The following CCDC7 variants were observed in gnomAD, a reference collection of about 807,000 sequenced individuals.
CCDC7 encodes the protein coiled-coil domain containing 7, also known as coiled-coil domain-containing protein 7.
Under a neutral mutation model 196.9 loss-of-function variants are expected in CCDC7, and 183 were observed. The ratio of observed to expected loss-of-function variants is 0.93; its 90% CI spans 0.82 to 1.05. The LOEUF is 1.05. Among genes scored for constraint, CCDC7 ranks in the 50% least tolerant of loss-of-function variants. CCDC7 has a pLI of 0.00. For missense variants in CCDC7, 1,540 were observed against 1,482.2 expected (o/e 1.04, Z -0.64); for synonymous variants, 525 against 484.6 (o/e 1.08, Z -1.10).
chr10:32,720,032 C>T (rs116923156), intron 25 of CCDC7, among the ~76,000 whole-genome samples: 13,405 of 151,458 alleles, frequency 0.089, 857 homozygotes, highest in East Asian at 0.33. Flanking sequence ...TATACCCAAA[C>T]GATTATAAAT....
At chr10:32,668,294 A>G (rs1044000583) in intron 21 of CCDC7, among the ~76,000 whole-genome samples, 2 of 152,172 alleles carry the variant, frequency 1.3e-5, no homozygotes, top group African/African-American at 2.4e-5. Context: ...TTTTCTAGAT[A>G]TACAATCATG....
chr10:32,824,144 A>G (rs185949587), intron 31 of CCDC7, among the ~76,000 whole-genome samples: 1 of 152,250 alleles, frequency 6.6e-6, no homozygotes, highest in Admixed American at 6.5e-5. Context: ...TATGTTCTTA[A>G]TATATACTTG....
chr10:32,779,222 A>G, intron 29 of CCDC7, 138 bp downstream of exon 30: 1 of 595,940 alleles, frequency 1.7e-6, no homozygotes, highest in South Asian at 2.7e-5. Context: ...TACTCAATCA[A>G]TCTACATGTC....
At chr10:32,450,948 G>C (rs1005476403), upstream of CCDC7, among the ~76,000 whole-genome samples, 2 of 152,012 alleles carry the variant, frequency 1.3e-5, no homozygotes, top group Non-Finnish European at 1.5e-5. Flanking sequence ...TTTTGTTCTT[G>C]TTGTTTTCTG....
chr10:32,447,297 G>A (rs1258402040), upstream of CCDC7, among the ~76,000 whole-genome samples: 2 of 152,020 alleles, frequency 1.3e-5, no homozygotes, highest in African/African-American at 4.8e-5. Context: ...AGCATTTGAC[G>A]TAGTTCATCA....
At chr10:32,881,814 A>G (rs977083749), downstream of CCDC7, among the ~76,000 whole-genome samples, 17 of 152,146 alleles carry the variant, frequency 1.1e-4, no homozygotes, top group African/African-American at 3.9e-4. Flanking sequence ...GGCAGAGGTC[A>G]CAGTGGTAAA....
At chr10:32,452,039 A>G in intron 1 of CCDC7, 118 bp downstream of exon 2, 1 of 1,347,608 alleles carries the variant, frequency 7.4e-7, no homozygotes, top group Non-Finnish European at 9.7e-7. Context: ...AAGATTTATT[A>G]CAGTAGGCAC....
intron 26 of CCDC7, 74 bp downstream of exon 27, chr10:32,726,906 C>A (rs1260755609): frequency 4.5e-6 from 4 of 882,222 alleles, no homozygotes; most frequent in South Asian, 3.9e-5. Flanking sequence ...GCCTTTGATT[C>A]CTGAATGTGT....
intron 11 of CCDC7, among the ~76,000 whole-genome samples, chr10:32,542,003 T>C (rs2051523848): frequency 6.6e-6 from 1 of 152,244 alleles, no homozygotes; most frequent in Non-Finnish European, 1.5e-5. Context: ...CCTTGATGGA[T>C]AGTAACGTGG....
At chr10:32,547,669 G>A (rs1476168406) in intron 13 of CCDC7, among the ~76,000 whole-genome samples, 1 of 152,152 alleles carries the variant, frequency 6.6e-6, no homozygotes, top group Non-Finnish European at 1.5e-5. Context: ...TTTGATACAA[G>A]CATACAATGC....
At chr10:32,644,738 A>T (rs764376430) in intron 20 of CCDC7, among the ~76,000 whole-genome samples, 5 of 152,034 alleles carry the variant, frequency 3.3e-5, no homozygotes, top group Non-Finnish European at 7.4e-5. Context: ...CTTCTTCCTC[A>T]TTCTCTTCTC....
chr10:32,752,350 C>T (rs2075791707), intron 28 of CCDC7, among the ~76,000 whole-genome samples: 1 of 152,060 alleles, frequency 6.6e-6, no homozygotes, highest in Non-Finnish European at 1.5e-5. Context: ...ACAAAACTCC[C>T]CAAGACATGC....
chr10:32,595,031 T>G (rs181586847), intron 18 of CCDC7, among the ~76,000 whole-genome samples: 103 of 152,254 alleles, frequency 6.8e-4, no homozygotes, highest in African/African-American at 2.2e-3. Flanking sequence ...GTATCCCTGC[T>G]AGGCTTTGGT....
chr10:32,583,052 T>A, exon 17 of CCDC7: 1 of 1,231,438 alleles, frequency 8.1e-7, no homozygotes, highest in Non-Finnish European at 1.0e-6. Flanking sequence ...AGAAACGATC[T>A]AGCCCTGCTA....
chr10:32,473,617 AAAG>A (rs1385162627), intron 7 of CCDC7, among the ~76,000 whole-genome samples: 1 of 152,188 alleles, frequency 6.6e-6, no homozygotes, highest in Non-Finnish European at 1.5e-5. Context: ...AGACTAGTGA[AAAG>A]AAGAAGGGAG....
intron 9 of CCDC7, among the ~76,000 whole-genome samples, chr10:32,508,507 A>G (rs2045559553): frequency 6.6e-6 from 1 of 152,212 alleles, no homozygotes; most frequent in African/African-American, 2.4e-5. Context: ...CTATGAAAAT[A>G]CCAATGACAT....
intron 9 of CCDC7, among the ~76,000 whole-genome samples, chr10:32,497,181 A>G (rs1313624845): frequency 6.6e-6 from 1 of 152,052 alleles, no homozygotes; most frequent in Non-Finnish European, 1.5e-5. Flanking sequence ...ATTTGTGTAG[A>G]GGTGTTTATA....
intron 18 of CCDC7, among the ~76,000 whole-genome samples, chr10:32,611,194 C>A (rs890047488): frequency 2.6e-5 from 4 of 151,860 alleles, no homozygotes; most frequent in South Asian, 2.1e-4. Flanking sequence ...CTTTTTTTCA[C>A]TTTTGTTAGC....
Position 32,788,304 on chromosome 10 carries a change from C to T in CCDC7, c.3013+9220C>T, listed in dbSNP as rs566790881. On this transcript the variant is annotated intron_variant, in intron 29 of 41. Transcript: ENST00000639629. ...GCAGCTCCAGGCTTCAGACTGCCACCAGCACTATACCAGCCTCTGTGACCC... is the reference window on the plus strand; with the variant it reads ...GCAGCTCCAGGCTTCAGACTGCCACTAGCACTATACCAGCCTCTGTGACCC... Among the ~76,000 whole-genome samples, 3 of 152,322 alleles carry T rather than the reference C, an allele frequency of 2.0e-5. No individual in the cohort carries two copies. The South Asian group carries it at 6.2e-4, about 32-fold the overall frequency.
Sources: gnomAD v4.1 joint callset for allele counts (sites outside exome capture counted in the v4.1 genomes callset) on GRCh38, gnomAD v4.1.1 for gene constraint, MANE v1.5 for transcripts, NCBI Gene and HGNC (gene_info 2026-07-23, HGNC 2026-07-21) for gene names.